ACO1: variants seen among roughly 807,000 people sequenced by gnomAD.
ACO1 encodes the protein aconitase 1.
ACO1 carries 78 observed loss-of-function variants against 105.1 expected under a neutral mutation model. The ratio of observed to expected loss-of-function variants is 0.74; its 90% CI spans 0.62 to 0.90. The LOEUF (loss-of-function observed/expected upper bound fraction) is 0.90, where lower values mean the gene tolerates loss of function less well. Among genes scored for constraint, ACO1 ranks in the 40% least tolerant of loss-of-function variants. The pLI is 0.00. For missense variants in ACO1, 965 were observed against 1,111.1 expected, an observed-to-expected ratio of 0.87 and a Z score of 1.87; for synonymous variants, 364 against 397.4, an observed-to-expected ratio of 0.92 and a Z score of 1.00.
Position 32,389,757 on chromosome 9 carries a change from C to T in ACO1, c.-23+5022C>T, listed in dbSNP as rs549705707. ...GGAGAGTATAAACCCTCAGCCTCAACGACTGTGAACAGTGATAATTGGCCA... is the reference window on the plus strand; with the variant it reads ...GGAGAGTATAAACCCTCAGCCTCAATGACTGTGAACAGTGATAATTGGCCA... On this transcript the variant is annotated intron_variant, in intron 1 of 20. Coordinates refer to ENST00000309951, the MANE Select transcript of ACO1 (RefSeq NM_002197.3). 1.7e-3 allele frequency among the ~76,000 whole-genome samples: 260 copies of T among 149,788 alleles called. 2 individuals are homozygous for T. Among genetic ancestry groups the T allele is most frequent in the African/African-American group, 4.7e-3 (191 of 40,644 alleles).
chr9:32,434,231 T>C (rs1364412148), intron 16 of ACO1, among the ~76,000 whole-genome samples: 1 of 152,178 alleles, frequency 6.6e-6, no homozygotes, highest in Non-Finnish European at 1.5e-5. Context: ...AGGGATGCAG[T>C]AGAAGTGAGG....
intron 1 of ACO1, among the ~76,000 whole-genome samples, chr9:32,399,300 G>T (rs991138377): frequency 1.3e-5 from 2 of 152,202 alleles, no homozygotes; most frequent in Non-Finnish European, 2.9e-5. Context: ...CAGACAGGCA[G>T]TTTACAAAAG....
chr9:32,423,158 C>G (rs1714194636), intron 8 of ACO1, among the ~76,000 whole-genome samples, 161 bp from the exon 9 acceptor site: 1 of 152,162 alleles, frequency 6.6e-6, no homozygotes, highest in Non-Finnish European at 1.5e-5. Context: ...GAGAGTCAAA[C>G]CATTAGCCTG....
intron 14 of ACO1, among the ~76,000 whole-genome samples, chr9:32,431,412 G>A (rs1317497353): frequency 6.6e-6 from 1 of 152,200 alleles, no homozygotes; most frequent in Non-Finnish European, 1.5e-5. Flanking sequence ...AGCACAAGCC[G>A]ACTGTGATGC....
In ACO1 at chr9:32,452,019, G is replaced by C. The variant is rs976786253; in HGVS notation, c.*1908G>C. 1.3e-5 allele frequency: 2 copies of C among 151,716 alleles called. No individual in the cohort carries two copies. The highest frequency in any genetic ancestry group is 4.8e-5 in the African/African-American group (2 of 41,246). The allele number at this position is 151,716 out of a possible 1,614,324, so 9.4% of individuals were successfully genotyped here. ...GCAGAGGCTGCAGTGAGCCGAGATC[G>C]TGCCATTGCACGCCCGCCTGGGCTA... On this transcript the variant is annotated 3_prime_UTR_variant, in exon 21 of 21. Transcript: ENST00000309951.
intron 1 of ACO1, among the ~76,000 whole-genome samples, chr9:32,393,369 A>T (rs1034363241): frequency 6.6e-6 from 1 of 152,164 alleles, no homozygotes; most frequent in African/African-American, 2.4e-5. Flanking sequence ...TAGCGCTCCC[A>T]GGCTTATTAG....
chr9:32,428,281 C>CAAA (rs199515069), intron 12 of ACO1, among the ~76,000 whole-genome samples: 7 of 110,584 alleles, frequency 6.3e-5, no homozygotes, highest in Admixed American at 1.9e-4. Context: ...GACCCTGTCT[C>CAAA]AAAAAAAAAA....
intron 18 of ACO1, among the ~76,000 whole-genome samples, chr9:32,437,962 G>C (rs1822400654): frequency 6.6e-6 from 1 of 152,042 alleles, no homozygotes; most frequent in South Asian, 2.1e-4. Flanking sequence ...AAAAATGCAA[G>C]AGAGGAAATT....
At chr9:32,387,008 G>GAAGAAGCACACT (rs1357852106) in intron 1 of ACO1, among the ~76,000 whole-genome samples, 25 of 152,320 alleles carry the variant, frequency 1.6e-4, no homozygotes, top group Admixed American at 1.2e-3. Flanking sequence ...TACCTAAAGT[G>GAAGAAGCACACT]TGCTTCAAAG....
Position 32,431,772 on chromosome 9 carries a change from GA to G in ACO1, c.1781del (p.Asp594AlafsTer23). On this transcript the variant is annotated frameshift_variant, in exon 15 of 21. Coordinates refer to ENST00000309951, the MANE Select transcript of ACO1 (RefSeq NM_002197.3). LOFTEE classifies it high-confidence loss of function. Reference sequence around the variant, plus strand: ...TCTGAAAGATATCTGGCCGACTAGAGACGAGATCCAGGCAGTGGAGCGTCAG... The same window carrying G: ...TCTGAAAGATATCTGGCCGACTAGAGCGAGATCCAGGCAGTGGAGCGTCAG... ...VFLKDIWPTR[D>X]EIQAVERQYV... The G allele has an allele frequency of 6.2e-7, 1 of 1,614,132 alleles. No homozygotes were observed. Among genetic ancestry groups the G allele is most frequent in the Non-Finnish European group, 8.5e-7 (1 of 1,180,016 alleles).
chr9:32,399,127 G>C (rs1821433826), intron 1 of ACO1, among the ~76,000 whole-genome samples: 1 of 152,162 alleles, frequency 6.6e-6, no homozygotes, highest in Non-Finnish European at 1.5e-5. Flanking sequence ...GGGAAATGTT[G>C]TAGACCATAT....
At chr9:32,424,514 TA>T in intron 9 of ACO1, 34 bp from the exon 10 acceptor site, 1 of 1,454,422 alleles carries the variant, frequency 6.9e-7, no homozygotes, top group Non-Finnish European at 9.6e-7. Flanking sequence ...GGGTATAATG[TA>T]AATTCTATAA....
intron 7 of ACO1, among the ~76,000 whole-genome samples, chr9:32,420,496 A>G (rs1821948763): frequency 1.3e-5 from 2 of 152,238 alleles, no homozygotes; most frequent in Admixed American, 6.5e-5. Context: ...GAGTTAGTAT[A>G]AAGAGTACAG....
At chr9:32,417,583 C>T (rs1365107776) in intron 4 of ACO1, among the ~76,000 whole-genome samples, 3 of 152,222 alleles carry the variant, frequency 2.0e-5, no homozygotes, top group Non-Finnish European at 4.4e-5. Flanking sequence ...ATCTGTGGTT[C>T]ACAGATGTTA....
chr9:32,438,610 G>T (rs1443550924), intron 18 of ACO1, among the ~76,000 whole-genome samples: 1 of 151,960 alleles, frequency 6.6e-6, no homozygotes, highest in African/African-American at 2.4e-5. Flanking sequence ...ATAGAAACAG[G>T]AAAAACATAG....
At chr9:32,388,331 C>T (rs1821196470) in intron 1 of ACO1, among the ~76,000 whole-genome samples, 2 of 152,132 alleles carry the variant, frequency 1.3e-5, no homozygotes, top group South Asian at 2.1e-4. Context: ...GAGTTCAAGA[C>T]CAACCTGGGC....
In ACO1 at chr9:32,453,835, G is replaced by A. The variant is rs1032536600; in HGVS notation, c.*3724G>A. On this transcript the variant is annotated 3_prime_UTR_variant, in exon 21 of 21. Transcript: ENST00000309951. ...AAACACAAGTGGAATTTAACACCCA[G>A]CCAGTTTGTGTTCAACCAGACAGCG... 3 of 152,158 alleles carry A rather than the reference G, an allele frequency of 2.0e-5. No individual in the cohort carries two copies. The highest frequency in any genetic ancestry group is 1.3e-4 in the Admixed American group (2 of 15,274). The allele number at this position is 152,158 out of a possible 1,614,324, so 9.4% of individuals were successfully genotyped here.
chr9:32,407,407 C>T lies in ACO1; in HGVS notation c.244C>T (p.Arg82Cys), dbSNP rs1273311415. 2.5e-6 allele frequency: 4 copies of T among 1,613,952 alleles called. No homozygotes were observed. The highest frequency in any genetic ancestry group is 2.2e-5 in the East Asian group (1 of 44,884). Residue 82 changes from arginine (R) to cysteine (C), a missense_variant, in exon 3 of 21, where the codon CGT becomes TGT. Arg to Cys is a radical substitution (Grantham distance 180, BLOSUM62 -3). Coordinates refer to ENST00000309951, the MANE Select transcript of ACO1 (RefSeq NM_002197.3). The stretch of plus-strand genomic sequence containing the variant: ...CATAGAAGTGCCATTTAAGCCTGCT[C>T]GTGTCATCCTGCAGGACTTTACGTG... ...KNIEVPFKPARVILQDFTGVP... is the reference protein window; with the variant it reads ...KNIEVPFKPACVILQDFTGVP...
intron 1 of ACO1, among the ~76,000 whole-genome samples, chr9:32,402,786 G>T (rs1821525521): frequency 1.3e-5 from 2 of 152,230 alleles, no homozygotes; most frequent in African/African-American, 2.4e-5. Flanking sequence ...TAAACCAGGA[G>T]ATTTGAGACA....
Sources: gnomAD v4.1 joint callset for allele counts (sites outside exome capture counted in the v4.1 genomes callset) on GRCh38, gnomAD v4.1.1 for gene constraint, MANE v1.5 for transcripts, NCBI Gene and HGNC (gene_info 2026-07-23, HGNC 2026-07-21) for gene names.